PAX5: variants seen among roughly 807,000 people sequenced by gnomAD.
PAX5 encodes the protein paired box protein Pax-5.
A neutral mutation model predicts 43.7 loss-of-function variants in PAX5; 9 were observed. The ratio of observed to expected loss-of-function variants is 0.21; its 90% confidence interval spans 0.12 to 0.36. PAX5 has a LOEUF of 0.36. PAX5 is among the 10% of genes least tolerant of loss of function. The probability of loss-of-function intolerance (pLI) is 1.00; values close to 1 mark genes in which losing one functional copy is unlikely to be tolerated. For synonymous variants in PAX5, 228 were observed against 214.3 expected (o/e 1.06, Z -0.56); for missense variants, 383 against 532.7 (o/e 0.72, Z 2.77).
chr9:36,927,288 G>A (rs1830718887), intron 6 of PAX5, among the ~76,000 whole-genome samples: 1 of 152,154 alleles, frequency 6.6e-6, no homozygotes, highest in Admixed American at 6.5e-5. Flanking sequence ...TCTGACATGG[G>A]CTGGGCTGCT....
chr9:36,933,331 T>A (rs1362753525), intron 6 of PAX5, among the ~76,000 whole-genome samples: 4 of 152,132 alleles, frequency 2.6e-5, no homozygotes. Context: ...CGCCTCCTCT[T>A]CCTGGTGCCC....
chr9:37,032,971 C>T (rs1841134661), intron 1 of PAX5, among the ~76,000 whole-genome samples: 1 of 152,366 alleles, frequency 6.6e-6, no homozygotes, highest in African/African-American at 2.4e-5. Flanking sequence ...TGGTGCGGCA[C>T]CCACAGGATA....
intron 5 of PAX5, among the ~76,000 whole-genome samples, chr9:36,982,360 AG>A (rs1836012551): frequency 6.6e-6 from 1 of 152,264 alleles, no homozygotes; most frequent in South Asian, 2.1e-4. Context: ...CCTTGGTTCC[AG>A]CATTCATTGA....
chr9:36,987,091 G>A (rs2132307452), intron 5 of PAX5, among the ~76,000 whole-genome samples: 1 of 152,350 alleles, frequency 6.6e-6, no homozygotes, highest in East Asian at 1.9e-4. Context: ...TTCTACAGAG[G>A]AGCGAAGTGG....
At chr9:36,888,885 G>T (rs141951394) in intron 7 of PAX5, among the ~76,000 whole-genome samples, 3 of 152,342 alleles carry the variant, frequency 2.0e-5, no homozygotes, top group East Asian at 3.9e-4. Context: ...CCTGAGCCTT[G>T]CAGGGAGGGG....
At chr9:36,963,604 G>T (rs2132174372) in intron 6 of PAX5, among the ~76,000 whole-genome samples, 1 of 152,348 alleles carries the variant, frequency 6.6e-6, no homozygotes, top group East Asian at 1.9e-4. Flanking sequence ...TAGAGGAGTG[G>T]CATGTGAGCA....
At chr9:36,864,057 C>T (rs776432809) in intron 8 of PAX5, among the ~76,000 whole-genome samples, 9 of 152,206 alleles carry the variant, frequency 5.9e-5, no homozygotes, top group African/African-American at 1.4e-4. Flanking sequence ...TGCAGTGAGC[C>T]GAGATTGCAC....
At chr9:36,847,968 C>G (rs1048255189) in intron 8 of PAX5, among the ~76,000 whole-genome samples, 2 of 152,188 alleles carry the variant, frequency 1.3e-5, no homozygotes, top group Non-Finnish European at 2.9e-5. Flanking sequence ...GTGCCCAGTA[C>G]CCGGCAGACT....
intron 7 of PAX5, among the ~76,000 whole-genome samples, chr9:36,914,051 A>G (rs1295967785): frequency 6.6e-6 from 1 of 152,192 alleles, no homozygotes; most frequent in Admixed American, 6.5e-5. Flanking sequence ...CTGCACCTCC[A>G]GAGGGCGTTT....
At chr9:36,907,912 C>T (rs531270865) in intron 7 of PAX5, among the ~76,000 whole-genome samples, 2 of 152,160 alleles carry the variant, frequency 1.3e-5, no homozygotes, top group Non-Finnish European at 2.9e-5. Context: ...ATTTATTTTA[C>T]AGTGAACATG....
At chr9:36,847,317 C>T (rs1822688691) in intron 8 of PAX5, among the ~76,000 whole-genome samples, 1 of 152,206 alleles carries the variant, frequency 6.6e-6, no homozygotes, top group South Asian at 2.1e-4. Flanking sequence ...CTGCAGACTG[C>T]TTGGTTCTCA....
At chr9:36,855,023 C>T (rs1031105998) in intron 8 of PAX5, among the ~76,000 whole-genome samples, 12 of 152,364 alleles carry the variant, frequency 7.9e-5, no homozygotes, top group African/African-American at 2.4e-4. Flanking sequence ...CAGTGTGATC[C>T]TCTGTAAAGA....
intron 8 of PAX5, among the ~76,000 whole-genome samples, chr9:36,851,939 A>T (rs1290497526): frequency 1.3e-5 from 2 of 152,178 alleles, no homozygotes; most frequent in African/African-American, 4.8e-5. Flanking sequence ...GAGAAGACAG[A>T]AAATGGCCTT....
chr9:36,917,120 C>T (rs1001942256), intron 7 of PAX5, among the ~76,000 whole-genome samples: 1 of 151,984 alleles, frequency 6.6e-6, no homozygotes, highest in African/African-American at 2.4e-5. Flanking sequence ...TTTTTCTGCT[C>T]TATAATGAGA....
At chr9:36,860,733 A>T (rs1824136593) in intron 8 of PAX5, among the ~76,000 whole-genome samples, 1 of 152,160 alleles carries the variant, frequency 6.6e-6, no homozygotes, top group Admixed American at 6.5e-5. Flanking sequence ...GCTTCTAAGC[A>T]GGCAGCCACC....
chr9:37,028,791 G>A (rs1181097240), intron 1 of PAX5, among the ~76,000 whole-genome samples: 1 of 152,234 alleles, frequency 6.6e-6, no homozygotes, highest in Non-Finnish European at 1.5e-5. Flanking sequence ...CAGTTGATGG[G>A]AAACTGACCT....
intron 7 of PAX5, among the ~76,000 whole-genome samples, chr9:36,892,827 G>A (rs912589323): frequency 2.2e-4 from 34 of 152,242 alleles, no homozygotes; most frequent in Admixed American, 8.5e-4. Context: ...ATTGTGGAGC[G>A]ATCTCCAAGG....
At chr9:36,876,870 A>C (rs1176396192) in intron 8 of PAX5, among the ~76,000 whole-genome samples, 2 of 152,232 alleles carry the variant, frequency 1.3e-5, no homozygotes, top group Non-Finnish European at 2.9e-5. Context: ...TGATGATGGA[A>C]TCAGAAATCA....
At chr9:37,028,707 G>C (rs955805239) in intron 1 of PAX5, among the ~76,000 whole-genome samples, 2 of 152,248 alleles carry the variant, frequency 1.3e-5, no homozygotes, top group Admixed American at 1.3e-4. Context: ...TCCCTGAAGC[G>C]GGCGGGTGGA....
Sources: allele counts gnomAD v4.1 joint callset (sites outside exome capture counted in the v4.1 genomes callset), GRCh38; gene constraint gnomAD v4.1.1; transcripts MANE v1.5; gene names NCBI Gene and HGNC (gene_info 2026-07-23, HGNC 2026-07-21).